AAGAB: variants seen among roughly 807,000 people sequenced by gnomAD.
AAGAB encodes alpha and gamma adaptin binding protein.
Under a neutral mutation model 44.1 loss-of-function variants are expected in AAGAB, and 38 were observed. That is an observed-to-expected ratio of 0.86 (90% CI 0.67 to 1.13). AAGAB has a LOEUF of 1.13. Among genes scored for constraint, AAGAB ranks in the 50% most tolerant of loss-of-function variants. The pLI, the probability that AAGAB is intolerant of heterozygous loss-of-function variation, is 0.00. For synonymous variants in AAGAB, 131 were observed against 131.8 expected (o/e 0.99, Z 0.04); for missense variants, 450 against 373.8 (o/e 1.20, Z -1.68).
At position 67,236,768 on chromosome 15, in the gene AAGAB, C is replaced by T; in HGVS notation, c.126G>A (p.Val42=). 6.2e-7 allele frequency: 1 copy of T among 1,612,544 alleles called. No individual in the cohort carries two copies. Among genetic ancestry groups the T allele is most frequent in the Non-Finnish European group, 8.5e-7 (1 of 1,179,428 alleles). The change falls in exon 2 of 10, where the codon GTG becomes GTA. Residue 42 remains valine, a synonymous_variant. Transcript: ENST00000261880. ...LIVEVTSNDA[V]RFYPWTIDNK... ...TATCAATGGTCCAGGGATAAAATCTCACAGCATCATTGGAAGTCACTTCCA... is the reference window on the plus strand; with the variant it reads ...TATCAATGGTCCAGGGATAAAATCTTACAGCATCATTGGAAGTCACTTCCA...
intron 5 of AAGAB, chr15:67,226,974 T>G (rs919267739): frequency 5.9e-5 from 14 of 238,428 alleles, no homozygotes; most frequent in Admixed American, 3.0e-4. Flanking sequence ...AAACCTGAGT[T>G]AGATTTGTGT....
chr15:67,219,960 G>C (rs992382376), intron 5 of AAGAB, among the ~76,000 whole-genome samples: 1 of 151,962 alleles, frequency 6.6e-6, no homozygotes, highest in Non-Finnish European at 1.5e-5. Context: ...GTAACAAAAA[G>C]ACATTAACAG....
chr15:67,209,538 TTCCTATCTGAAA>T lies in AAGAB; in HGVS notation c.536-6_541del. The T allele has an allele frequency of 6.2e-7, 1 of 1,613,566 alleles. No individual in the cohort carries two copies. The highest frequency in any genetic ancestry group is 8.5e-7 in the Non-Finnish European group (1 of 1,179,494). ...TGAGTTGAGAAGGCTAAAGCCTTGG[TTCCTATCTGAAA>T]AGGAAAAATACACTTAGTGAAATTT... On this transcript the variant is annotated splice_acceptor_variant and splice_polypyrimidine_tract_variant and coding_sequence_variant and intron_variant, in exon 6 of 10. Transcript: ENST00000261880. LOFTEE classifies it high-confidence loss of function.
chr15:67,239,546 G>C (rs1201428186), intron 1 of AAGAB, among the ~76,000 whole-genome samples: 1 of 152,006 alleles, frequency 6.6e-6, no homozygotes, highest in Non-Finnish European at 1.5e-5. Flanking sequence ...TTTGGTTTTT[G>C]TTTTATTCTC....
chr15:67,216,110 T>C (rs981944790), intron 5 of AAGAB, among the ~76,000 whole-genome samples: 4 of 152,002 alleles, frequency 2.6e-5, no homozygotes, highest in Non-Finnish European at 5.9e-5. Flanking sequence ...ATAAATAATA[T>C]ATTCATTGTA....
intron 3 of AAGAB, 147 bp downstream of exon 3, chr15:67,236,261 G>T: frequency 3.2e-6 from 3 of 934,306 alleles, no homozygotes; most frequent in East Asian, 2.6e-5. Flanking sequence ...AGTATTACAA[G>T]ATTCCAAAGA....
At chr15:67,250,659 T>G (rs535921762) in intron 1 of AAGAB, among the ~76,000 whole-genome samples, 22 of 152,180 alleles carry the variant, frequency 1.4e-4, no homozygotes, top group African/African-American at 4.8e-4. Flanking sequence ...GCTCTGGCCA[T>G]GGAGTAGATA....
chr15:67,248,110 G>A (rs1219946554), intron 1 of AAGAB, among the ~76,000 whole-genome samples: 1 of 152,140 alleles, frequency 6.6e-6, no homozygotes, highest in Non-Finnish European at 1.5e-5. Flanking sequence ...CTTTGGGTCT[G>A]GAGAAAGTAT....
chr15:67,213,044 T>C (rs1025799831), intron 5 of AAGAB, among the ~76,000 whole-genome samples: 2 of 152,146 alleles, frequency 1.3e-5, no homozygotes, highest in East Asian at 3.8e-4. Context: ...ATAAATAAAA[T>C]TCACCTCCTC....
At chr15:67,246,045 GTTT>G in intron 1 of AAGAB, among the ~76,000 whole-genome samples, 1 of 152,208 alleles carries the variant, frequency 6.6e-6, no homozygotes, top group Non-Finnish European at 1.5e-5. Flanking sequence ...CTCTAAATAG[GTTT>G]TTGTTACTGA....
chr15:67,206,732 G>GCCCT (rs1963693464), intron 7 of AAGAB, among the ~76,000 whole-genome samples: 1 of 152,144 alleles, frequency 6.6e-6, no homozygotes, highest in Non-Finnish European at 1.5e-5. Context: ...TGGTCCCTAT[G>GCCCT]CCCTTTCAAC....
intron 5 of AAGAB, among the ~76,000 whole-genome samples, chr15:67,217,652 C>T (rs1223271547): frequency 6.6e-6 from 1 of 152,312 alleles, no homozygotes; most frequent in South Asian, 2.1e-4. Flanking sequence ...ATTCTCTTGC[C>T]TCAGCCTCCT....
chr15:67,249,191 C>T (rs1049241238), intron 1 of AAGAB, among the ~76,000 whole-genome samples: 1 of 152,068 alleles, frequency 6.6e-6, no homozygotes, highest in African/African-American at 2.4e-5. Flanking sequence ...TGCACCACCA[C>T]ACCCGGCTAA....
chr15:67,224,578 T>C (rs1369697339), intron 5 of AAGAB, among the ~76,000 whole-genome samples: 2 of 151,452 alleles, frequency 1.3e-5, no homozygotes, highest in African/African-American at 4.9e-5. Context: ...ACTTTTCTTT[T>C]TCTTTTCTTT....
chr15:67,247,987 T>C (rs1175737061), intron 1 of AAGAB, among the ~76,000 whole-genome samples: 3 of 152,228 alleles, frequency 2.0e-5, no homozygotes, highest in Non-Finnish European at 2.9e-5. Flanking sequence ...AATTGAATCT[T>C]AGCTCCCCAG....
intron 1 of AAGAB, among the ~76,000 whole-genome samples, chr15:67,237,631 T>C (rs940616753): frequency 6.6e-6 from 1 of 152,170 alleles, no homozygotes; most frequent in Non-Finnish European, 1.5e-5. Context: ...TTATACAGTA[T>C]TTACAACTGG....
chr15:67,237,790 G>GT (rs1336683693), intron 1 of AAGAB, among the ~76,000 whole-genome samples: 3 of 152,034 alleles, frequency 2.0e-5, no homozygotes, highest in Non-Finnish European at 2.9e-5. Context: ...ATGAAAAACA[G>GT]TCACAAACTC....
chr15:67,215,356 G>A (rs534023479), intron 5 of AAGAB, among the ~76,000 whole-genome samples: 2 of 152,268 alleles, frequency 1.3e-5, no homozygotes, highest in African/African-American at 2.4e-5. Flanking sequence ...CATTAGCTAT[G>A]TAAATAAGTT....
At chr15:67,222,445 A>C (rs546943435) in intron 5 of AAGAB, among the ~76,000 whole-genome samples, 2 of 151,762 alleles carry the variant, frequency 1.3e-5, no homozygotes, top group South Asian at 4.2e-4. Context: ...TCAAATCCTA[A>C]CGCTACCTCC....
Sources: gnomAD v4.1 joint callset for allele counts (sites outside exome capture counted in the v4.1 genomes callset) on GRCh38, gnomAD v4.1.1 for gene constraint, MANE v1.5 for transcripts, NCBI Gene and HGNC (gene_info 2026-07-23, HGNC 2026-07-21) for gene names.